Variants in GPLD1 observed in about 807,000 individuals in gnomAD.
The protein encoded by GPLD1 is phosphatidylinositol-glycan-specific phospholipase D.
A neutral mutation model predicts 112.6 loss-of-function variants in GPLD1; 84 were observed. The observed-to-expected ratio is 0.75, with a 90% CI of 0.63 to 0.89. GPLD1 has a LOEUF of 0.89. GPLD1 is among the 40% of genes least tolerant of loss of function. The pLI is 0.00. For missense variants in GPLD1, 1,044 were observed against 1,051.5 expected, an observed-to-expected ratio of 0.99 and a Z score of 0.10; for synonymous variants, 386 against 403.8, an observed-to-expected ratio of 0.96 and a Z score of 0.53.
intron 14 of GPLD1, among the ~76,000 whole-genome samples, chr6:24,452,454 C>A (rs2127339949): frequency 6.6e-6 from 1 of 152,252 alleles, no homozygotes; most frequent in African/African-American, 2.4e-5. Context: ...TAAACTAGAT[C>A]ATAAATCATT....
At chr6:24,442,251 T>C (rs1165134619) in intron 20 of GPLD1, among the ~76,000 whole-genome samples, 1 of 150,670 alleles carries the variant, frequency 6.6e-6, no homozygotes, top group Non-Finnish European at 1.5e-5. Flanking sequence ...GCCTCCTCAG[T>C]AGATGGAACT....
At chr6:24,429,141 T>A (rs1561823001) in intron 24 of GPLD1, 23 bp from the exon 25 acceptor site, 9 of 1,492,632 alleles carry the variant, frequency 6.0e-6, no homozygotes, top group Non-Finnish European at 7.5e-6. Flanking sequence ...CAAGACAGAA[T>A]TCATGGCTCA....
At position 24,476,258 on chromosome 6, in the gene GPLD1, C is replaced by G. The variant is rs1483679709; in HGVS notation, c.253G>C (p.Glu85Gln). ...CKGGKFHDVS[E>Q]STHWTPFLNA... ...AGAAACGGAGTCCAGTGAGTGCTCT[C>G]AGACACATCATGGAATTTTCCTGAC... The change falls in exon 4 of 25, where the codon GAG becomes CAG. Residue 85 changes from glutamate to glutamine, a missense_variant. By Grantham distance (29) the Glu-to-Gln change is conservative. Coordinates refer to ENST00000230036, the MANE Select transcript of GPLD1 (RefSeq NM_001503.4). The G allele has an allele frequency of 1.9e-6, 3 of 1,551,744 alleles. No individual in the cohort carries two copies. The African/African-American group carries it at 4.1e-5, about 21-fold the overall frequency.
chr6:24,495,093 C>T lies in GPLD1; in HGVS notation n.113G>A, dbSNP rs1403896838. 7.6e-7 allele frequency: 1 copy of T among 1,320,458 alleles called. No individual in the cohort carries two copies. Among genetic ancestry groups the T allele is most frequent in the Admixed American group, 3.5e-5 (1 of 28,228 alleles). 81.8% of individuals were successfully genotyped at this position (1,320,458 alleles called of 1,614,324 possible). ...CCGCCCCCGCGCCGGCGGCCTGGTCCCTGCCTCCGGGCCTGCGCCCGGCCC... is the reference window on the plus strand; with the variant it reads ...CCGCCCCCGCGCCGGCGGCCTGGTCTCTGCCTCCGGGCCTGCGCCCGGCCC... On this transcript the variant is annotated non_coding_transcript_exon_variant, in exon 1 of 11. Coordinates refer to the GPLD1 transcript ENST00000474784.
At chr6:24,472,924 C>G (rs759209909) in intron 6 of GPLD1, among the ~76,000 whole-genome samples, 1 of 151,724 alleles carries the variant, frequency 6.6e-6, no homozygotes, top group Non-Finnish European at 1.5e-5. Context: ...TACAGGCATG[C>G]GCCACCACGC....
At chr6:24,479,398 C>A (rs551085650) in intron 3 of GPLD1, among the ~76,000 whole-genome samples, 2 of 152,296 alleles carry the variant, frequency 1.3e-5, no homozygotes, top group South Asian at 4.1e-4. Context: ...TTAACTCTTA[C>A]AAATAATAGT....
intron 10 of GPLD1, among the ~76,000 whole-genome samples, chr6:24,465,845 C>T (rs1306641452): frequency 6.6e-6 from 1 of 152,208 alleles, no homozygotes; most frequent in African/African-American, 2.4e-5. Flanking sequence ...ATTTATTTCT[C>T]ATTTTACGTT....
chr6:24,489,376 A>G (rs1764488734), intron 1 of GPLD1, 39 bp downstream of exon 1: 1 of 1,351,626 alleles, frequency 7.4e-7, no homozygotes, highest in Admixed American at 1.7e-5. Context: ...TGACAGATGT[A>G]TTGTCCTCTC....
chr6:24,461,227 T>C (rs1763423295), intron 11 of GPLD1, among the ~76,000 whole-genome samples: 1 of 151,806 alleles, frequency 6.6e-6, no homozygotes, highest in African/African-American at 2.4e-5. Context: ...TGACACCAAC[T>C]AGTGTCAGGG....
chr6:24,455,622 T>C (rs1223022004), intron 13 of GPLD1, among the ~76,000 whole-genome samples: 2 of 152,198 alleles, frequency 1.3e-5, no homozygotes, highest in Non-Finnish European at 2.9e-5. Flanking sequence ...AAAACTGTCA[T>C]GGTATACCAG....
chr6:24,463,063 T>A (rs1371739456), intron 10 of GPLD1, among the ~76,000 whole-genome samples: 18 of 152,194 alleles, frequency 1.2e-4, no homozygotes, highest in Non-Finnish European at 4.4e-5. Context: ...TGCTGAGCTG[T>A]TCCACGCTAA....
chr6:24,455,643 A>G (rs1381226075), intron 13 of GPLD1, among the ~76,000 whole-genome samples: 1 of 152,200 alleles, frequency 6.6e-6, no homozygotes, highest in Admixed American at 6.5e-5. Context: ...CTTTTACCAT[A>G]TGAAGTTACA....
upstream of GPLD1, among the ~76,000 whole-genome samples, chr6:24,493,558 G>GC (rs748548304): frequency 5.3e-5 from 8 of 152,074 alleles, no homozygotes; most frequent in Admixed American, 2.6e-4. Context: ...CCGCAGGCAG[G>GC]AGATGTAAAC....
Position 24,450,921 on chromosome 6 carries a change from G to A in GPLD1, c.1336-1022C>T, listed in dbSNP as rs992766162. ...TGGGAGGCAGAGGTTGCAGTGAGCCGAGATCATGCCACTGCACTCCAGCCT... is the reference window on the plus strand; with the variant it reads ...TGGGAGGCAGAGGTTGCAGTGAGCCAAGATCATGCCACTGCACTCCAGCCT... On this transcript the variant is annotated intron_variant, in intron 14 of 24. Coordinates refer to ENST00000230036, the MANE Select transcript of GPLD1 (RefSeq NM_001503.4). Among the ~76,000 whole-genome samples the A allele has an allele frequency of 9.9e-5, 15 of 151,212 alleles. 1 individual carries two copies. In the South Asian group the frequency reaches 2.1e-3, roughly 21 times the overall value.
chr6:24,437,408 G>C, intron 20 of GPLD1, 119 bp from the exon 21 acceptor site: 1 of 954,774 alleles, frequency 1.0e-6, no homozygotes. Flanking sequence ...AGTCGGTTTC[G>C]GAGCTGGTCA....
rs1177002642 is a variant in GPLD1 at position 24,462,772 on chromosome 6, G to C, written c.845C>G (p.Pro282Arg). 2 of 1,613,184 alleles carry C rather than the reference G, an allele frequency of 1.2e-6. No homozygotes were observed. The highest frequency in any genetic ancestry group is 1.7e-6 in the Non-Finnish European group (2 of 1,179,250). The change falls in exon 11 of 25, where the codon CCT becomes CGT. Residue 282 changes from proline to arginine, a missense_variant. Pro to Arg is a moderately radical substitution (Grantham distance 103). Coordinates refer to ENST00000230036, the MANE Select transcript of GPLD1 (RefSeq NM_001503.4). ...GTSDCNLPEN[P>R]LFIACGGQQN... ...CTGGCCGCCACATGCAATGAACAGAGGGTTCTCAGGCAGGTTGCAGTCACT... is the reference window on the plus strand; with the variant it reads ...CTGGCCGCCACATGCAATGAACAGACGGTTCTCAGGCAGGTTGCAGTCACT...
chr6:24,444,713 G>A (rs1762852085), intron 20 of GPLD1, among the ~76,000 whole-genome samples: 1 of 152,066 alleles, frequency 6.6e-6, no homozygotes, highest in Admixed American at 6.6e-5. Context: ...AGATAATGTG[G>A]TGGCTGACTG....
rs1763901069 is a variant in GPLD1 at position 24,473,635 on chromosome 6, A to G, written c.474T>C (p.His158=). ...IDFHGSYSEA[H]SAGDFGGDVL... The stretch of plus-strand genomic sequence containing the variant: ...AAACAGTACCAAAATCACCAGCCGA[A>G]TGAGCCTCTGAATAGGAGCCGTGAA... Residue 158 remains histidine (H), a synonymous_variant, in exon 6 of 25, where the codon CAT becomes CAC. Coordinates refer to ENST00000230036, the MANE Select transcript of GPLD1 (RefSeq NM_001503.4). The G allele has an allele frequency of 6.2e-7, 1 of 1,608,584 alleles. No individual in the cohort carries two copies. Among genetic ancestry groups the G allele is most frequent in the Admixed American group, 1.7e-5 (1 of 59,988 alleles).
rs1762301544 is a variant in GPLD1 at position 24,428,328 on chromosome 6, CA to C, written c.*703del. ...AGGTGTGTCATGGGGGTTTGTTACA[CA>C]GATTATTTCATCACCCTAAGTATCC... On this transcript the variant is annotated 3_prime_UTR_variant, in exon 25 of 25. Transcript: ENST00000230036. 2.0e-5 allele frequency: 3 copies of C among 152,186 alleles called. No homozygotes were observed. The highest frequency in any genetic ancestry group is 7.2e-5 in the African/African-American group (3 of 41,540). 9.4% of individuals were successfully genotyped at this position (152,186 alleles called of 1,614,324 possible). A position where few individuals can be genotyped will look rare whatever the true frequency, so the allele number is the denominator to read the frequency against.
Sources: allele counts gnomAD v4.1 joint callset (sites outside exome capture counted in the v4.1 genomes callset), GRCh38; gene constraint gnomAD v4.1.1; transcripts MANE v1.5; gene names NCBI Gene and HGNC (gene_info 2026-07-23, HGNC 2026-07-21).